SORCS3: variants seen among roughly 807,000 people sequenced by gnomAD.
The protein encoded by SORCS3 is VPS10 domain-containing receptor SorCS3.
A neutral mutation model predicts 146.3 loss-of-function variants in SORCS3; 57 were observed. That is an observed-to-expected ratio of 0.39 (90% confidence interval 0.31 to 0.49). The LOEUF (loss-of-function observed/expected upper bound fraction) is 0.49, where lower values mean the gene tolerates loss of function less well. Ranked by LOEUF, SORCS3 falls within the 20% of genes least tolerant of loss-of-function variation. The probability of loss-of-function intolerance (pLI) is 0.92; values close to 1 mark genes in which losing one functional copy is unlikely to be tolerated. For synonymous variants in SORCS3, 653 were observed against 618.5 expected (o/e 1.06, Z -0.83); for missense variants, 1,341 against 1,575.5 (o/e 0.85, Z 2.52).
intron 13 of SORCS3, among the ~76,000 whole-genome samples, chr10:105,171,244 A>C (rs532666315): frequency 7.2e-5 from 11 of 152,326 alleles, no homozygotes; most frequent in Admixed American, 7.2e-4. Context: ...CGTGAACGCA[A>C]AACAGCATAC....
chr10:104,753,379 T>G (rs1047399820), intron 1 of SORCS3, among the ~76,000 whole-genome samples: 1 of 152,204 alleles, frequency 6.6e-6, no homozygotes, highest in Non-Finnish European at 1.5e-5. Context: ...TGATCTACAT[T>G]CATGTAGAAT....
intron 1 of SORCS3, among the ~76,000 whole-genome samples, chr10:104,787,358 A>G (rs2017450912): frequency 1.3e-5 from 2 of 152,216 alleles, no homozygotes; most frequent in Non-Finnish European, 2.9e-5. Flanking sequence ...AATTTTGCAG[A>G]ATGATGAAGA....
intron 4 of SORCS3, among the ~76,000 whole-genome samples, chr10:105,017,165 C>A (rs1186058713): frequency 6.6e-6 from 1 of 150,794 alleles, no homozygotes; most frequent in Non-Finnish European, 1.5e-5. Flanking sequence ...TTTGAGGGAA[C>A]CGTCTGCTTC....
chr10:105,122,382 A>G (rs543012602), intron 7 of SORCS3, among the ~76,000 whole-genome samples: 46 of 152,314 alleles, frequency 3.0e-4, no homozygotes, highest in African/African-American at 1.1e-3. Flanking sequence ...TCATGGTCAG[A>G]CAGAATAAGG....
chr10:105,178,211 A>T, intron 14 of SORCS3, 38 bp downstream of exon 14: 2 of 1,500,342 alleles, frequency 1.3e-6, no homozygotes, highest in Non-Finnish European at 1.8e-6. Context: ...AGAAGACCAG[A>T]GACACTGGTT....
chr10:105,042,280 T>C (rs1309912903), intron 4 of SORCS3, among the ~76,000 whole-genome samples: 1 of 152,226 alleles, frequency 6.6e-6, no homozygotes, highest in African/African-American at 2.4e-5. Flanking sequence ...TGCAGAATGC[T>C]TAAGAGCAGG....
intron 1 of SORCS3, among the ~76,000 whole-genome samples, chr10:104,825,782 A>G (rs2017928274): frequency 6.6e-6 from 1 of 152,134 alleles, no homozygotes; most frequent in Non-Finnish European, 1.5e-5. Context: ...AAGAATGGCC[A>G]TCTCATTTTC....
At chr10:105,181,803 TG>T (rs757314156) in intron 14 of SORCS3, among the ~76,000 whole-genome samples, 7 of 152,202 alleles carry the variant, frequency 4.6e-5, no homozygotes, top group Non-Finnish European at 8.8e-5. Flanking sequence ...TCTCAGGCAG[TG>T]GCTCTCCAGA....
chr10:105,122,499 A>C (rs1463600730), intron 7 of SORCS3, among the ~76,000 whole-genome samples: 1 of 152,168 alleles, frequency 6.6e-6, no homozygotes, highest in Non-Finnish European at 1.5e-5. Flanking sequence ...TCTGTGACAG[A>C]GGTATTGATT....
chr10:104,883,986 A>G (rs58365108), intron 2 of SORCS3, among the ~76,000 whole-genome samples: 6,354 of 140,498 alleles, frequency 0.045, 174 homozygotes, highest in East Asian at 0.13. Context: ...GAGGGGGGGG[A>G]AAGGGTCCTA....
At chr10:104,789,056 A>G (rs1189180691) in intron 1 of SORCS3, among the ~76,000 whole-genome samples, 2 of 152,172 alleles carry the variant, frequency 1.3e-5, no homozygotes, top group Admixed American at 6.5e-5. Flanking sequence ...TGAGGGGGGC[A>G]GGAGTCAAAG....
At chr10:104,785,376 G>A (rs1279099100) in intron 1 of SORCS3, among the ~76,000 whole-genome samples, 1 of 141,484 alleles carries the variant, frequency 7.1e-6, no homozygotes, top group African/African-American at 2.7e-5. Flanking sequence ...ACAGATGCTT[G>A]AAGGCAGCAT....
intron 5 of SORCS3, among the ~76,000 whole-genome samples, chr10:105,062,816 A>T (rs1167445967): frequency 1.3e-5 from 2 of 152,158 alleles, no homozygotes; most frequent in South Asian, 2.1e-4. Flanking sequence ...CATGGCCTGG[A>T]TCATGCTTGT....
chr10:104,694,690 T>C (rs1564660508), intron 1 of SORCS3, among the ~76,000 whole-genome samples: 1 of 152,178 alleles, frequency 6.6e-6, no homozygotes, highest in Non-Finnish European at 1.5e-5. Context: ...CTGTTATGGC[T>C]GCAGTATAGC....
chr10:104,726,478 A>T (rs1435065987), intron 1 of SORCS3, among the ~76,000 whole-genome samples: 4 of 152,118 alleles, frequency 2.6e-5, no homozygotes. Context: ...GTGTGCCATG[A>T]GAGTGGGGAA....
chr10:105,257,916 C>G (rs1179370745), intron 25 of SORCS3, among the ~76,000 whole-genome samples: 1 of 152,068 alleles, frequency 6.6e-6, no homozygotes, highest in Non-Finnish European at 1.5e-5. Context: ...CCCTGGGAAG[C>G]CTGGGTAAAG....
intron 6 of SORCS3, among the ~76,000 whole-genome samples, chr10:105,102,572 G>A (rs1258338881): frequency 6.6e-6 from 1 of 152,050 alleles, no homozygotes; most frequent in Non-Finnish European, 1.5e-5. Context: ...AAAAACTATC[G>A]TGTGCTATGC....
chr10:105,118,496 A>G (rs1343047399), intron 7 of SORCS3, among the ~76,000 whole-genome samples: 2 of 152,232 alleles, frequency 1.3e-5, no homozygotes, highest in Non-Finnish European at 2.9e-5. Flanking sequence ...TGCTGCTATA[A>G]AGATACCCCA....
chr10:104,780,374 C>A (rs1039147807), intron 1 of SORCS3, among the ~76,000 whole-genome samples: 12 of 152,150 alleles, frequency 7.9e-5, no homozygotes, highest in African/African-American at 2.7e-4. Flanking sequence ...GAAAGGGAAG[C>A]TATTAATAAA....
Sources: allele counts gnomAD v4.1 joint callset (sites outside exome capture counted in the v4.1 genomes callset), GRCh38; gene constraint gnomAD v4.1.1; transcripts MANE v1.5; gene names NCBI Gene and HGNC (gene_info 2026-07-23, HGNC 2026-07-21).